Variants in CABCOCO1 observed in about 807,000 individuals in gnomAD.
The protein encoded by CABCOCO1 is ciliary-associated calcium-binding coiled-coil protein 1.
CABCOCO1 carries 28 observed loss-of-function variants against 35.7 expected under a neutral mutation model. The ratio of observed to expected loss-of-function variants is 0.78; its 90% CI spans 0.58 to 1.07. CABCOCO1 has a LOEUF of 1.07. Among genes scored for constraint, CABCOCO1 ranks in the 50% least tolerant of loss-of-function variants. The pLI is 0.00. For missense variants in CABCOCO1, 326 were observed against 309.2 expected, an observed-to-expected ratio of 1.05 and a Z score of -0.41; for synonymous variants, 95 against 100.1, an observed-to-expected ratio of 0.95 and a Z score of 0.30.
intron 5 of CABCOCO1, among the ~76,000 whole-genome samples, chr10:61,715,732 C>T (rs1840847859): frequency 6.6e-6 from 1 of 152,126 alleles, no homozygotes. Context: ...TCAGCATTTG[C>T]TTGTCTGTAA....
intron 1 of CABCOCO1, among the ~76,000 whole-genome samples, chr10:61,670,940 T>G (rs1839338578): frequency 6.6e-6 from 1 of 152,234 alleles, no homozygotes; most frequent in Non-Finnish European, 1.5e-5. Flanking sequence ...TTCTCGCTAT[T>G]AGTATTCCAC....
At chr10:61,680,852 A>T (rs2131976334) in intron 2 of CABCOCO1, among the ~76,000 whole-genome samples, 1 of 148,400 alleles carries the variant, frequency 6.7e-6, no homozygotes, top group East Asian at 2.0e-4. Context: ...ATACTAGTAA[A>T]ATTGCTATAC....
chr10:61,692,432 C>T (rs974742119), intron 5 of CABCOCO1, among the ~76,000 whole-genome samples: 1 of 152,104 alleles, frequency 6.6e-6, no homozygotes, highest in African/African-American at 2.4e-5. Flanking sequence ...AGAAATAGTG[C>T]TTCTGTAGGT....
intron 5 of CABCOCO1, among the ~76,000 whole-genome samples, chr10:61,692,925 G>A (rs893882121): frequency 1.3e-5 from 2 of 152,036 alleles, no homozygotes; most frequent in Admixed American, 6.6e-5. Flanking sequence ...CAAAACTTTG[G>A]GAAAATGATA....
chr10:61,739,466 T>C (rs1425917011), intron 5 of CABCOCO1, among the ~76,000 whole-genome samples: 3 of 152,228 alleles, frequency 2.0e-5, no homozygotes, highest in African/African-American at 4.8e-5. Flanking sequence ...GCAATTTAGA[T>C]TGCAAGTTTT....
chr10:61,727,250 A>C (rs779429186), intron 5 of CABCOCO1, among the ~76,000 whole-genome samples: 1 of 152,200 alleles, frequency 6.6e-6, no homozygotes, highest in Non-Finnish European at 1.5e-5. Context: ...CAACCAACAA[A>C]AAAAAATCAT....
chr10:61,742,579 T>C (rs964628888), intron 5 of CABCOCO1, among the ~76,000 whole-genome samples: 1 of 152,184 alleles, frequency 6.6e-6, no homozygotes, highest in African/African-American at 2.4e-5. Flanking sequence ...TAACATCACC[T>C]CTCAGAGCTT....
chr10:61,670,602 A>C (rs1839325240), intron 1 of CABCOCO1, among the ~76,000 whole-genome samples: 1 of 152,222 alleles, frequency 6.6e-6, no homozygotes, highest in African/African-American at 2.4e-5. Flanking sequence ...TTGGTATGTT[A>C]TCTGGTAAAC....
chr10:61,746,437 A>G (rs1304287970), intron 5 of CABCOCO1, among the ~76,000 whole-genome samples: 2 of 152,154 alleles, frequency 1.3e-5, no homozygotes, highest in African/African-American at 4.8e-5. Flanking sequence ...AATGTTTATG[A>G]AAAAAACATG....
intron 5 of CABCOCO1, among the ~76,000 whole-genome samples, chr10:61,712,488 T>C (rs966474524): frequency 2.0e-5 from 3 of 152,242 alleles, no homozygotes; most frequent in Admixed American, 6.5e-5. Context: ...TCTTTTGCCA[T>C]GCAGAAGCAC....
intron 5 of CABCOCO1, among the ~76,000 whole-genome samples, chr10:61,702,262 T>C (rs540033570): frequency 1.3e-5 from 2 of 152,282 alleles, no homozygotes; most frequent in Admixed American, 6.5e-5. Flanking sequence ...ACCCAGATTT[T>C]TCTAGGATTT....
At chr10:61,686,597 T>A (rs921925131) in intron 4 of CABCOCO1, among the ~76,000 whole-genome samples, 7 of 152,192 alleles carry the variant, frequency 4.6e-5, no homozygotes, top group Non-Finnish European at 7.4e-5. Context: ...TAATTCTACA[T>A]TTTGAAGAGC....
At chr10:61,746,111 C>CTTA (rs1347901807) in intron 5 of CABCOCO1, among the ~76,000 whole-genome samples, 8 of 152,198 alleles carry the variant, frequency 5.3e-5, no homozygotes, top group African/African-American at 1.7e-4. Context: ...GGCCAGCAAC[C>CTTA]TTAGCCCTTC....
chr10:61,729,848 A>G (rs1432032017), intron 5 of CABCOCO1, among the ~76,000 whole-genome samples: 2 of 152,158 alleles, frequency 1.3e-5, no homozygotes, highest in African/African-American at 2.4e-5. Flanking sequence ...TGCTAAGTGA[A>G]ATAAGTCAGT....
At chr10:61,733,608 C>T (rs149375008) in intron 5 of CABCOCO1, among the ~76,000 whole-genome samples, 11 of 152,184 alleles carry the variant, frequency 7.2e-5, no homozygotes, top group South Asian at 6.2e-4. Context: ...GTGACAAAGT[C>T]ATCACATTCA....
At chr10:61,680,891 G>A (rs928176266) in intron 2 of CABCOCO1, among the ~76,000 whole-genome samples, 1 of 150,756 alleles carries the variant, frequency 6.6e-6, no homozygotes, top group Non-Finnish European at 1.5e-5. Flanking sequence ...AGGGGAAGGG[G>A]AGAGAAGGAG....
intron 7 of CABCOCO1, among the ~76,000 whole-genome samples, chr10:61,761,378 A>G (rs1238839526): frequency 6.6e-6 from 1 of 152,096 alleles, no homozygotes; most frequent in East Asian, 1.9e-4. Flanking sequence ...TCTTCTCACC[A>G]AATTTCTAAC....
intron 3 of CABCOCO1, chr10:61,684,858 G>A (rs970239500): frequency 1.3e-5 from 2 of 152,328 alleles, no homozygotes; most frequent in African/African-American, 4.8e-5. Context: ...TCTGTCACAA[G>A]TAACACTGAG....
intron 5 of CABCOCO1, among the ~76,000 whole-genome samples, chr10:61,708,567 G>C (rs979055981): frequency 6.6e-6 from 1 of 152,052 alleles, no homozygotes; most frequent in African/African-American, 2.4e-5. Context: ...TTTATAAGGA[G>C]TGCCTTCTTA....
Sources: allele counts gnomAD v4.1 joint callset (sites outside exome capture counted in the v4.1 genomes callset), GRCh38; gene constraint gnomAD v4.1.1; transcripts MANE v1.5; gene names NCBI Gene and HGNC (gene_info 2026-07-23, HGNC 2026-07-21).